The following MTCL1 variants were observed in gnomAD, a reference collection of about 807,000 sequenced individuals.
The protein encoded by MTCL1 is microtubule crosslinking factor 1.
In MTCL1, 79 loss-of-function variants were observed where a neutral mutation model predicts 141.4. The ratio of observed to expected loss-of-function variants is 0.56; its 90% CI spans 0.47 to 0.67. The LOEUF (loss-of-function observed/expected upper bound fraction) is 0.67. Among genes scored for constraint, MTCL1 ranks in the 30% least tolerant of loss-of-function variants. The probability of loss-of-function intolerance (pLI) is 0.00; values close to 1 mark genes in which losing one functional copy is unlikely to be tolerated. For missense variants in MTCL1, 2,177 were observed against 2,113.9 expected, an observed-to-expected ratio of 1.03 and a Z score of -0.59; for synonymous variants, 914 against 875.8, an observed-to-expected ratio of 1.04 and a Z score of -0.77.
upstream of MTCL1, among the ~76,000 whole-genome samples, chr18:8,712,887 G>T (rs1598357870): frequency 6.6e-6 from 1 of 152,186 alleles, no homozygotes; most frequent in Non-Finnish European, 1.5e-5. Flanking sequence ...TCCAAACTGG[G>T]TCTATTTAAA....
intron 4 of MTCL1, among the ~76,000 whole-genome samples, chr18:8,724,539 C>T (rs752931260): frequency 2.6e-5 from 4 of 152,310 alleles, no homozygotes; most frequent in Middle Eastern, 3.4e-3. Flanking sequence ...AATGTGTACA[C>T]GATTTCTAGT....
chr18:8,817,854 C>T (rs753972574), intron 12 of MTCL1, among the ~76,000 whole-genome samples: 8 of 152,150 alleles, frequency 5.3e-5, no homozygotes, highest in East Asian at 1.9e-4. Context: ...GATTCATAGG[C>T]GGAAATAGCT....
exon 15 of MTCL1, chr18:8,825,518 C>T (rs2076993853): frequency 1.9e-6 from 3 of 1,612,144 alleles, no homozygotes; most frequent in Admixed American, 1.7e-5. Flanking sequence ...CCCTGCGTGG[C>T]AGCGGTGTCA....
intron 4 of MTCL1, among the ~76,000 whole-genome samples, chr18:8,724,617 G>T (rs78307663): frequency 1.4e-4 from 22 of 152,138 alleles, no homozygotes; most frequent in African/African-American, 5.1e-4. Context: ...AGGCAGACTT[G>T]CCTTGGCTTG....
intron 5 of MTCL1, among the ~76,000 whole-genome samples, 175 bp from the exon 5 acceptor site, chr18:8,783,354 CT>C (rs1323344721): frequency 6.6e-6 from 1 of 152,170 alleles, no homozygotes; most frequent in Non-Finnish European, 1.5e-5. Context: ...CACAAAGCCC[CT>C]GGGCCCACCT....
intron 9 of MTCL1, among the ~76,000 whole-genome samples, chr18:8,797,414 T>C (rs13381360): frequency 0.12 from 18,214 of 152,320 alleles, 1,192 homozygotes; most frequent in Middle Eastern, 0.15. Context: ...TTTGCTTTTG[T>C]ATTGATTAAG....
chr18:8,714,044 T>C (rs2096111174), upstream of MTCL1, among the ~76,000 whole-genome samples: 1 of 152,250 alleles, frequency 6.6e-6, no homozygotes, highest in Admixed American at 6.5e-5. Flanking sequence ...TCGTCACTTG[T>C]CGAGCTGTAA....
intron 4 of MTCL1, among the ~76,000 whole-genome samples, chr18:8,730,055 G>A (rs2377898): frequency 0.58 from 87,614 of 151,962 alleles, 26,995 homozygotes; most frequent in African/African-American, 0.8. Context: ...TGTTGAAAAG[G>A]CCACCTTTCC....
chr18:8,798,290 A>T, exon 10 of MTCL1: 1 of 1,526,874 alleles, frequency 6.5e-7, no homozygotes, highest in East Asian at 2.6e-5. Flanking sequence ...CCCCACAAAC[A>T]GGTGGGTACC....
chr18:8,832,148 C>T (rs2077209425), exon 17 of MTCL1: 2 of 253,300 alleles, frequency 7.9e-6, no homozygotes, highest in Middle Eastern at 1.5e-3. Flanking sequence ...TCTGAACACC[C>T]TCGCTGTCAA....
chr18:8,760,057 C>A (rs1181532406), intron 4 of MTCL1, among the ~76,000 whole-genome samples: 1 of 152,168 alleles, frequency 6.6e-6, no homozygotes, highest in Non-Finnish European at 1.5e-5. Context: ...CTTTGGGAGT[C>A]ACCAAAATCC....
chr18:8,786,113 C>CCCCCCCA, intron 7 of MTCL1, 22 bp downstream of exon 6: 21 of 1,383,452 alleles, frequency 1.5e-5, no homozygotes, highest in African/African-American at 1.0e-4. Context: ...CAAGCAATCC[C>CCCCCCCA]CCCCCCCCGC....
At chr18:8,787,448 C>G (rs1183861961) in intron 7 of MTCL1, 1 of 153,128 alleles carries the variant, frequency 6.5e-6, no homozygotes, top group Admixed American at 6.5e-5. Context: ...AGCTGCAGCC[C>G]CCGCTCCCCA....
rs77383881 is a variant in MTCL1, at chr18:8,810,019, A to T, written c.2604+2959A>T. ...TGGAAAGGAGCAGCCAGAGAAATTTATGAAAATCCAAAGCAAATGCTGTCC... is the reference window on the plus strand; with the variant it reads ...TGGAAAGGAGCAGCCAGAGAAATTTTTGAAAATCCAAAGCAAATGCTGTCC... On this transcript the variant is annotated intron_variant, in intron 11 of 16. Coordinates refer to ENST00000359865, the Ensembl canonical transcript of MTCL1. The surrounding 1 kb of genome is among the most constrained non-coding windows in gnomAD (Gnocchi z 5.0). The T allele has an allele frequency of 6.4e-6, 1 of 157,256 alleles. No homozygotes were observed. The highest frequency in any genetic ancestry group is 1.9e-4 in the South Asian group (1 of 5,188). 9.7% of individuals were successfully genotyped at this position (157,256 alleles called of 1,614,324 possible).
chr18:8,706,492 G>T, exon 1 of MTCL1: 2 of 1,280,778 alleles, frequency 1.6e-6, no homozygotes, highest in Non-Finnish European at 2.0e-6. Context: ...CGCCGCGGGC[G>T]CCTGTCCCGG....
intron 4 of MTCL1, among the ~76,000 whole-genome samples, chr18:8,722,205 G>A (rs1389649774): frequency 6.6e-6 from 1 of 152,180 alleles, no homozygotes; most frequent in Non-Finnish European, 1.5e-5. Context: ...AACAGTTAGA[G>A]GGTATAGAAA....
At chr18:8,746,090 G>C (rs566169956) in intron 4 of MTCL1, among the ~76,000 whole-genome samples, 2 of 152,286 alleles carry the variant, frequency 1.3e-5, no homozygotes, top group East Asian at 3.9e-4. Flanking sequence ...CCCTTTTAAG[G>C]CTAAATAATA....
At chr18:8,748,311 G>A (rs2096351726) in intron 4 of MTCL1, among the ~76,000 whole-genome samples, 1 of 152,124 alleles carries the variant, frequency 6.6e-6, no homozygotes, top group Admixed American at 6.5e-5. Context: ...AGGTGCCAAG[G>A]CAGGAGGATC....
Position 8,792,979 on chromosome 18 carries a change from C to T in MTCL1, c.1888-19C>T. 5 of 1,612,890 alleles carry T rather than the reference C, an allele frequency of 3.1e-6. No homozygotes were observed. Among genetic ancestry groups the T allele is most frequent in the Non-Finnish European group, 4.2e-6 (5 of 1,179,550 alleles). ...AGTTCTCATTTCCACTAAACCCCTT[C>T]CTTTATCCCACCGATCAGCTCAGGG... is the stretch of plus-strand genomic sequence containing the variant. On this transcript the variant is annotated intron_variant, in intron 7 of 16. Coordinates refer to ENST00000359865, the Ensembl canonical transcript of MTCL1.
Sources: gnomAD v4.1 joint callset for allele counts (sites outside exome capture counted in the v4.1 genomes callset) on GRCh38, gnomAD v4.1.1 for gene constraint, Gnocchi (gnomAD v3.1) non-coding constraint, MANE v1.5 for transcripts, NCBI Gene and HGNC (gene_info 2026-07-23, HGNC 2026-07-21) for gene names.